DENND2B: variants seen among roughly 807,000 people sequenced by gnomAD.
DENND2B encodes DENN domain-containing protein 2B.
DENND2B carries 32 observed loss-of-function variants against 116.0 expected under a neutral mutation model. That is an observed-to-expected ratio of 0.28 (90% CI 0.21 to 0.37). The LOEUF (loss-of-function observed/expected upper bound fraction) is 0.37, where lower values mean the gene tolerates loss of function less well. Among genes scored for constraint, DENND2B ranks in the 10% least tolerant of loss-of-function variants. DENND2B has a pLI of 1.00. For missense variants in DENND2B, 1,276 were observed against 1,477.7 expected (o/e 0.86, Z 2.24); for synonymous variants, 588 against 583.9 (o/e 1.01, Z -0.10).
chr11:8,832,566 C>T (rs2062255790), intron 4 of DENND2B: 1 of 146,428 alleles, frequency 6.8e-6, no homozygotes, highest in Non-Finnish European at 1.5e-5. Context: ...GGTTACCTTC[C>T]ATGGCTGGTC....
At chr11:8,695,416 C>T (rs781132645) in intron 19 of DENND2B, 47 bp downstream of exon 19, 2 of 1,559,978 alleles carry the variant, frequency 1.3e-6, no homozygotes, top group South Asian at 1.1e-5. Flanking sequence ...CTCCCAGCCC[C>T]TTCCTTCTTG....
At chr11:8,795,332 C>T (rs1245167088) in intron 1 of DENND2B, among the ~76,000 whole-genome samples, 1 of 152,138 alleles carries the variant, frequency 6.6e-6, no homozygotes, top group African/African-American at 2.4e-5. Flanking sequence ...TAACATCTGG[C>T]CCTCATACCC....
At chr11:8,728,592 CT>C (rs1401648558) in intron 3 of DENND2B, among the ~76,000 whole-genome samples, 3 of 258 alleles carry the variant, frequency 0.012, no homozygotes, top group Non-Finnish European at 0.017. Context: ...CTGATGAACT[CT>C]CCCCCCCACT....
chr11:8,696,451 C>T lies in DENND2B; in HGVS notation c.3268G>A (p.Glu1090Lys). Reference protein sequence around the residue: ...QMFAGFIQDRELRKCRAKGLF... With the variant: ...QMFAGFIQDRKLRKCRAKGLF... ...CCCTTTGCCCGACACTTTCTTAGCT[C>T]CCTGTCTTGGATGAAGCCAGCAAAC... is the stretch of plus-strand genomic sequence containing the variant. Residue 1090 changes from glutamate to lysine, a missense_variant, in exon 18 of 20, where the codon GAG (glutamate) becomes AAG (lysine). By Grantham distance (56) the Glu-to-Lys change is moderately conservative. Coordinates refer to ENST00000313726, the MANE Select transcript of DENND2B (RefSeq NM_213618.2). 1 of 1,614,188 alleles carries T rather than the reference C, an allele frequency of 6.2e-7. No individual in the cohort carries two copies. The highest frequency in any genetic ancestry group is 8.5e-7 in the Non-Finnish European group (1 of 1,180,030).
chr11:8,866,016 G>A (rs574202754), intron 2 of DENND2B, among the ~76,000 whole-genome samples: 1 of 152,130 alleles, frequency 6.6e-6, no homozygotes, highest in Admixed American at 6.5e-5. Flanking sequence ...CTGGAGTGCA[G>A]TGGCGCGATC....
chr11:8,761,977 C>G (rs936317976), intron 1 of DENND2B, among the ~76,000 whole-genome samples: 8 of 152,100 alleles, frequency 5.3e-5, no homozygotes, highest in Admixed American at 4.6e-4. Flanking sequence ...TTAGCTTTCC[C>G]TCCAGCTCTC....
chr11:8,724,424 A>G (rs781499717), intron 4 of DENND2B, among the ~76,000 whole-genome samples: 1 of 152,250 alleles, frequency 6.6e-6, no homozygotes, highest in African/African-American at 2.4e-5. Context: ...GAGGCAAGAC[A>G]GGGACATAGA....
intron 1 of DENND2B, among the ~76,000 whole-genome samples, chr11:8,894,979 GCAA>G (rs1048465073): frequency 3.9e-5 from 6 of 152,152 alleles, no homozygotes; most frequent in African/African-American, 7.2e-5. Flanking sequence ...ATTCACAATA[GCAA>G]AGACTTGGAA....
chr11:8,750,320 C>T (rs2052138719), intron 2 of DENND2B, among the ~76,000 whole-genome samples: 1 of 152,184 alleles, frequency 6.6e-6, no homozygotes, highest in Admixed American at 6.5e-5. Flanking sequence ...AGGCACAGGC[C>T]CCAAGCTCTC....
intron 1 of DENND2B, among the ~76,000 whole-genome samples, chr11:8,779,501 TCTTTC>T (rs2058121682): frequency 7.9e-6 from 1 of 126,992 alleles, no homozygotes; most frequent in Non-Finnish European, 1.6e-5. Flanking sequence ...TTCTTTTCTT[TCTTTC>T]TTTCTTTCTT....
intron 1 of DENND2B, chr11:8,909,898 C>T (rs1197606509): frequency 6.6e-6 from 1 of 152,154 alleles, no homozygotes; most frequent in East Asian, 1.9e-4. Flanking sequence ...TCAAAGTGGA[C>T]CTTCCTAAGC....
chr11:8,713,907 G>A (rs2133815154), intron 8 of DENND2B, 91 bp downstream of exon 8: 2 of 1,423,462 alleles, frequency 1.4e-6, no homozygotes, highest in Admixed American at 1.7e-5. Flanking sequence ...GCCGGTTAGG[G>A]ACACTGGAAC....
In DENND2B at chr11:8,714,593, C is replaced by G. The variant is rs2044376168; in HGVS notation, c.1942+17G>C. ...AGGGCCCCAAACAGCTGAACCAGCT[C>G]TGGCACCAAAGCCTACCTCTCAGTG... On this transcript the variant is annotated intron_variant, in intron 7 of 19. Transcript: ENST00000313726. 2 of 1,609,874 alleles carry G rather than the reference C, an allele frequency of 1.2e-6. No individual in the cohort carries two copies. Among genetic ancestry groups the G allele is most frequent in the Non-Finnish European group, 1.7e-6 (2 of 1,176,594 alleles).
intron 3 of DENND2B, among the ~76,000 whole-genome samples, chr11:8,852,838 G>A (rs1282321687): frequency 3.9e-5 from 6 of 152,204 alleles, no homozygotes; most frequent in Non-Finnish European, 8.8e-5. Flanking sequence ...GCAAAAGAGG[G>A]TCAAGACTTT....
intron 3 of DENND2B, among the ~76,000 whole-genome samples, chr11:8,856,731 T>A (rs1352635738): frequency 2.0e-5 from 3 of 150,640 alleles, no homozygotes; most frequent in African/African-American, 7.3e-5. Context: ...CTTCAGTCTC[T>A]CCTCACTCTA....
At position 8,780,065 on chromosome 11, in the gene DENND2B, G is replaced by A. The variant is rs185473425; in HGVS notation, c.-25-29340C>T. ...TCGCTAGAGCAGGAGAAGGGGGGCAGTATGAAATTGTAACTATGGTTCCTG... is the reference window on the plus strand; with the variant it reads ...TCGCTAGAGCAGGAGAAGGGGGGCAATATGAAATTGTAACTATGGTTCCTG... On this transcript the variant is annotated intron_variant, in intron 1 of 19. Transcript: ENST00000313726. Among the ~76,000 whole-genome samples the A allele has an allele frequency of 1.4e-3, 215 of 152,292 alleles. 1 individual carries two copies. The highest frequency in any genetic ancestry group is 4.9e-3 in the African/African-American group (204 of 41,562).
intron 2 of DENND2B, among the ~76,000 whole-genome samples, chr11:8,865,799 T>TGGA (rs1424227069): frequency 2.1e-5 from 3 of 143,468 alleles, no homozygotes; most frequent in Non-Finnish European, 3.1e-5. Flanking sequence ...TATTTGGAGG[T>TGGA]GGAGGAGGTC....
intron 4 of DENND2B, chr11:8,718,403 G>A (rs1565708854): frequency 5.2e-6 from 8 of 1,531,788 alleles, no homozygotes; most frequent in South Asian, 1.2e-5. Context: ...GTAGGGAGCA[G>A]GGCTTCGCCA....
chr11:8,722,548 C>A (rs1197406004), intron 4 of DENND2B, among the ~76,000 whole-genome samples: 2 of 150,098 alleles, frequency 1.3e-5, no homozygotes, highest in Non-Finnish European at 3.0e-5. Context: ...CAATAAGACA[C>A]CCCCTGAAGC....
Sources: allele counts gnomAD v4.1 joint callset (sites outside exome capture counted in the v4.1 genomes callset), GRCh38; gene constraint gnomAD v4.1.1; transcripts MANE v1.5; gene names NCBI Gene and HGNC (gene_info 2026-07-23, HGNC 2026-07-21).